IFNGR2: variants seen among roughly 807,000 people sequenced by gnomAD.
IFNGR2 encodes interferon gamma receptor 2.
Under a neutral mutation model 41.1 loss-of-function variants are expected in IFNGR2, and 15 were observed. That is an observed-to-expected ratio of 0.37 (90% CI 0.24 to 0.56). The LOEUF (loss-of-function observed/expected upper bound fraction) is 0.56, where lower values mean the gene tolerates loss of function less well. Ranked by LOEUF, IFNGR2 falls within the 20% of genes least tolerant of loss-of-function variation. IFNGR2 has a pLI of 0.81. For missense variants in IFNGR2, 362 were observed against 415.7 expected (o/e 0.87, Z 1.12); for synonymous variants, 161 against 171.6 (o/e 0.94, Z 0.48).
rs1379232706 is a variant in IFNGR2 at position 33,403,603 on chromosome 21, C to T, written c.60C>T (p.Ala20=). 5 of 1,364,500 alleles carry T rather than the reference C, an allele frequency of 3.7e-6. No individual in the cohort carries two copies. The highest frequency in any genetic ancestry group is 1.5e-5 in the African/African-American group (1 of 65,604). 84.5% of individuals were successfully genotyped at this position (1,364,500 alleles called of 1,614,324 possible). Residue 20 remains alanine (A), a synonymous_variant, in exon 1 of 7, where the codon GCC becomes GCT. Transcript: ENST00000290219. ...LLLLGVFAAA[A]AAPPDPLSQL... ...TGCTCGGAGTCTTCGCCGCCGCCGC[C>T]GCGGCCCCGCCAGGTGAGCCGGGCC...
intron 1 of IFNGR2, among the ~76,000 whole-genome samples, chr21:33,414,564 C>T (rs970307426): frequency 6.6e-6 from 1 of 152,208 alleles, no homozygotes; most frequent in African/African-American, 2.4e-5. Context: ...GAGCCTAATG[C>T]AGTTACTAAT....
intron 4 of IFNGR2, among the ~76,000 whole-genome samples, chr21:33,429,088 C>T (rs2083863923): frequency 6.6e-6 from 1 of 152,162 alleles, no homozygotes; most frequent in Admixed American, 6.5e-5. Context: ...GCAGCTTCCT[C>T]GTGTATAAAA....
chr21:33,413,459 A>G (rs1390624586), intron 1 of IFNGR2, among the ~76,000 whole-genome samples: 4 of 152,102 alleles, frequency 2.6e-5, no homozygotes, highest in Non-Finnish European at 5.9e-5. Flanking sequence ...CTGTCAGCTG[A>G]TCTCTTTGAG....
rs372663228 is a variant in IFNGR2, at chr21:33,415,358, C to T, written c.206+338C>T. 2.3e-4 allele frequency among the ~76,000 whole-genome samples: 35 copies of T among 152,278 alleles called. No individual in the cohort carries two copies. The South Asian group carries it at 6.2e-3, about 27-fold the overall frequency. On this transcript the variant is annotated intron_variant, in intron 2 of 6. Coordinates refer to ENST00000290219, the MANE Select transcript of IFNGR2 (RefSeq NM_005534.4). ...GGAGGCAGCTTTTAGTCTTCATCTT[C>T]GGGCTTAAAAATCGGATTGATTTAA...
chr21:33,403,409 C>G (rs1232752223), upstream of IFNGR2: 5 of 354,314 alleles, frequency 1.4e-5, no homozygotes, highest in Non-Finnish European at 2.1e-5. Context: ...CGGGACGCCC[C>G]GCTGCTGCTC....
At chr21:33,414,503 T>G (rs1016124960) in intron 1 of IFNGR2, among the ~76,000 whole-genome samples, 1 of 152,328 alleles carries the variant, frequency 6.6e-6, no homozygotes, top group Middle Eastern at 3.4e-3. Flanking sequence ...TATTGACCCC[T>G]TATTCCTGAA....
intron 6 of IFNGR2, among the ~76,000 whole-genome samples, chr21:33,433,335 A>G (rs547752966): frequency 5.6e-4 from 85 of 152,306 alleles, no homozygotes; most frequent in African/African-American, 2.0e-3. Flanking sequence ...GACACGATTC[A>G]CAACAGCCAA....
chr21:33,427,998 T>C (rs1384509394), intron 4 of IFNGR2, among the ~76,000 whole-genome samples: 1 of 152,028 alleles, frequency 6.6e-6, no homozygotes, highest in Non-Finnish European at 1.5e-5. Context: ...CCCAAAGTGC[T>C]GGGATTACAG....
At chr21:33,424,589 G>A (rs2083820342) in intron 3 of IFNGR2, among the ~76,000 whole-genome samples, 1 of 152,140 alleles carries the variant, frequency 6.6e-6, no homozygotes, top group African/African-American at 2.4e-5. Flanking sequence ...AGAGGAGTGA[G>A]ATGGTGGTTG....
At chr21:33,420,226 C>T (rs1351832852) in intron 2 of IFNGR2, among the ~76,000 whole-genome samples, 1 of 152,120 alleles carries the variant, frequency 6.6e-6, no homozygotes, top group East Asian at 1.9e-4. Context: ...AGCCGGTGGT[C>T]GTGGGGATAC....
intron 1 of IFNGR2, chr21:33,411,423 A>C (rs1169875346): frequency 2.1e-6 from 1 of 470,892 alleles, no homozygotes; most frequent in African/African-American, 2.0e-5. Flanking sequence ...AGAAGAGACT[A>C]TTCCTGTTGG....
chr21:33,413,554 C>A (rs143005217), intron 1 of IFNGR2, among the ~76,000 whole-genome samples: 1 of 152,274 alleles, frequency 6.6e-6, no homozygotes, highest in Non-Finnish European at 1.5e-5. Flanking sequence ...TTTCTTCCAC[C>A]TTCTGGGCAT....
intron 4 of IFNGR2, among the ~76,000 whole-genome samples, 168 bp from the exon 5 acceptor site, chr21:33,432,009 A>C (rs1469586010): frequency 6.6e-6 from 1 of 152,238 alleles, no homozygotes; most frequent in Non-Finnish European, 1.5e-5. Context: ...ACAACACACC[A>C]ATTTTCACAC....
In IFNGR2 at chr21:33,421,629, T is replaced by G; in HGVS notation, c.356T>G (p.Leu119Arg). ...FNVTLRLRAE[L>R]GALHSAWVTM... Reference sequence around the variant, plus strand: ...GTCACTCTACGCCTTCGAGCTGAGCTGGGAGCACTCCATTCTGCCTGGGTG... The same window carrying G: ...GTCACTCTACGCCTTCGAGCTGAGCGGGGAGCACTCCATTCTGCCTGGGTG... Residue 119 changes from leucine to arginine, a missense_variant, in exon 3 of 7, where the codon CTG becomes CGG. Leu to Arg is a moderately radical substitution (Grantham distance 102). Transcript: ENST00000290219. 1 of 1,614,208 alleles carries G rather than the reference T, an allele frequency of 6.2e-7. No homozygotes were observed. The highest frequency in any genetic ancestry group is 8.5e-7 in the Non-Finnish European group (1 of 1,180,034).
Position 33,431,054 on chromosome 21 carries a change from A to C in IFNGR2, c.562-1123A>C, listed in dbSNP as rs374271223. Among the ~76,000 whole-genome samples, 86 of 152,318 alleles carry C rather than the reference A, an allele frequency of 5.6e-4. No homozygotes were observed. The South Asian group carries it at 0.018, about 31-fold the overall frequency. On this transcript the variant is annotated intron_variant, in intron 4 of 6. Transcript: ENST00000290219. ...GTGGGGAGGCAGCAAGGCCTGCTCA[A>C]GGCAGCAGAGGGATGCGCAGAGGAG...
intron 1 of IFNGR2, among the ~76,000 whole-genome samples, chr21:33,404,768 A>G (rs1005225075): frequency 1.3e-5 from 2 of 152,056 alleles, no homozygotes; most frequent in African/African-American, 4.8e-5. Context: ...CTACCCAGAG[A>G]GCTTCTTACC....
intron 6 of IFNGR2, among the ~76,000 whole-genome samples, chr21:33,435,247 CTGCT>C (rs765048009): frequency 1.1e-4 from 16 of 152,200 alleles, no homozygotes; most frequent in Non-Finnish European, 1.6e-4. Context: ...CCCAGATTCT[CTGCT>C]TGCTGTGCGC....
In IFNGR2 at chr21:33,414,949, G is replaced by A; in HGVS notation, c.135G>A (p.Gln45=). The A allele has an allele frequency of 1.2e-6, 2 of 1,614,184 alleles. No homozygotes were observed. The highest frequency in any genetic ancestry group is 1.1e-5 in the South Asian group (1 of 91,084). ...HPKIRLYNAE[Q]VLSWEPVALS... Reference sequence around the variant, plus strand: ...AGATTCGCCTGTACAACGCAGAGCAGGTCCTGAGTTGGGAGCCAGTGGCCC... The same window carrying A: ...AGATTCGCCTGTACAACGCAGAGCAAGTCCTGAGTTGGGAGCCAGTGGCCC... Residue 45 remains glutamine, a synonymous_variant, in exon 2 of 7, where the codon CAG becomes CAA. Coordinates refer to ENST00000290219, the MANE Select transcript of IFNGR2 (RefSeq NM_005534.4).
chr21:33,415,801 T>A (rs1458246736), intron 2 of IFNGR2, among the ~76,000 whole-genome samples: 2 of 152,218 alleles, frequency 1.3e-5, no homozygotes, highest in African/African-American at 4.8e-5. Context: ...TTTGAAGTCA[T>A]GGAAATGTCC....
Sources: allele counts gnomAD v4.1 joint callset (sites outside exome capture counted in the v4.1 genomes callset), GRCh38; gene constraint gnomAD v4.1.1; transcripts MANE v1.5; gene names NCBI Gene and HGNC (gene_info 2026-07-23, HGNC 2026-07-21).